Variants in SERGEF observed in about 807,000 individuals in gnomAD.
SERGEF encodes the protein secretion regulating guanine nucleotide exchange factor.
SERGEF carries 51 observed loss-of-function variants against 50.0 expected under a neutral mutation model. The ratio of observed to expected loss-of-function variants is 1.02; its 90% CI spans 0.81 to 1.29. The LOEUF is 1.29. Ranked by LOEUF, SERGEF falls within the 50% of genes most tolerant of loss-of-function variation. The probability of loss-of-function intolerance (pLI) is 0.00; values close to 1 mark genes in which losing one functional copy is unlikely to be tolerated. For synonymous variants in SERGEF, 205 were observed against 212.4 expected, an observed-to-expected ratio of 0.97 and a Z score of 0.30; for missense variants, 521 against 557.0, an observed-to-expected ratio of 0.94 and a Z score of 0.65.
intron 10 of SERGEF, among the ~76,000 whole-genome samples, chr11:17,842,038 C>CAT (rs1850512236): frequency 6.6e-6 from 1 of 152,080 alleles, no homozygotes; most frequent in African/African-American, 2.4e-5. Flanking sequence ...TCTTTCGTAG[C>CAT]ATTTATCCTA....
intron 10 of SERGEF, among the ~76,000 whole-genome samples, chr11:17,822,628 G>A (rs573589585): frequency 7.6e-4 from 115 of 152,256 alleles, no homozygotes; most frequent in African/African-American, 2.7e-3. Context: ...GAACAATAAC[G>A]TGTGAAGCAC....
chr11:18,010,126 G>T, intron 1 of SERGEF: 1 of 1,255,674 alleles, frequency 8.0e-7, no homozygotes, highest in Non-Finnish European at 1.0e-6. Flanking sequence ...AAATATGTTT[G>T]TTTTTGAAGA....
chr11:17,942,033 G>A (rs1417994265), intron 9 of SERGEF, among the ~76,000 whole-genome samples: 1 of 152,124 alleles, frequency 6.6e-6, no homozygotes, highest in African/African-American at 2.4e-5. Flanking sequence ...TTTGAAGTCG[G>A]GTTAGGTGGA....
chr11:17,869,759 G>A (rs576464296), intron 10 of SERGEF, among the ~76,000 whole-genome samples: 2 of 152,234 alleles, frequency 1.3e-5, no homozygotes, highest in Admixed American at 6.5e-5. Flanking sequence ...CTATAGCAAG[G>A]CAAAGGATAT....
chr11:17,828,548 G>A (rs1276027595), intron 10 of SERGEF, among the ~76,000 whole-genome samples: 1 of 152,200 alleles, frequency 6.6e-6, no homozygotes, highest in African/African-American at 2.4e-5. Context: ...TTGTCATCTT[G>A]ATTCTTCAAG....
intron 8 of SERGEF, among the ~76,000 whole-genome samples, chr11:17,976,162 C>A (rs2133985202): frequency 6.6e-6 from 1 of 152,292 alleles, no homozygotes. Context: ...CCACATTAAG[C>A]TTCCTCCTGA....
intron 6 of SERGEF, among the ~76,000 whole-genome samples, chr11:17,993,235 G>C (rs1438665536): frequency 2.0e-5 from 3 of 152,192 alleles, no homozygotes; most frequent in African/African-American, 7.2e-5. Flanking sequence ...CTATCAAAGA[G>C]GGGAGGAAAG....
At chr11:17,857,227 C>T (rs932938708) in intron 10 of SERGEF, among the ~76,000 whole-genome samples, 13 of 152,186 alleles carry the variant, frequency 8.5e-5, no homozygotes, top group African/African-American at 1.4e-4. Context: ...GTGACCGTTC[C>T]GGACATAGCC....
At chr11:17,978,476 G>C (rs1853426570) in intron 8 of SERGEF, among the ~76,000 whole-genome samples, 1 of 152,176 alleles carries the variant, frequency 6.6e-6, no homozygotes, top group African/African-American at 2.4e-5. Flanking sequence ...GAGGCGAGCA[G>C]AAAAGATGTG....
At chr11:17,834,783 T>C (rs1167639939) in intron 10 of SERGEF, among the ~76,000 whole-genome samples, 2 of 152,236 alleles carry the variant, frequency 1.3e-5, no homozygotes, top group Non-Finnish European at 2.9e-5. Flanking sequence ...CCAAATCACA[T>C]GGATCTCTTT....
chr11:17,891,568 T>C (rs1008859074), intron 9 of SERGEF, among the ~76,000 whole-genome samples: 5 of 152,138 alleles, frequency 3.3e-5, no homozygotes, highest in Non-Finnish European at 5.9e-5. Context: ...AAACAATACA[T>C]GTTAAGCCTG....
chr11:17,790,690 T>C (rs755068569), intron 10 of SERGEF, among the ~76,000 whole-genome samples: 27 of 152,226 alleles, frequency 1.8e-4, no homozygotes, highest in Non-Finnish European at 3.7e-4. Context: ...CATGCATGTA[T>C]ATGTAAGCAT....
intron 10 of SERGEF, among the ~76,000 whole-genome samples, chr11:17,835,995 G>A (rs1850391404): frequency 6.6e-6 from 1 of 152,206 alleles, no homozygotes; most frequent in Non-Finnish European, 1.5e-5. Flanking sequence ...GTATAGCTGA[G>A]AGAATGAAAA....
intron 10 of SERGEF, among the ~76,000 whole-genome samples, chr11:17,870,519 A>C (rs1274917887): frequency 6.6e-6 from 1 of 152,248 alleles, no homozygotes; most frequent in African/African-American, 2.4e-5. Flanking sequence ...CCAGGAAGGA[A>C]TGAAGGCTGC....
At chr11:17,967,950 C>G (rs1447646082) in intron 8 of SERGEF, among the ~76,000 whole-genome samples, 2 of 152,238 alleles carry the variant, frequency 1.3e-5, no homozygotes, top group Non-Finnish European at 2.9e-5. Flanking sequence ...GCTGCTGCCT[C>G]CCTAAAGCAC....
rs568776379 is a variant in SERGEF, at chr11:17,928,615, G to A, written c.1011+30855C>T. Reference sequence around the variant, plus strand: ...ATGTTTTATGAGTGAATGAATGAACGAACCAACCAATGAAAAAAAAACAAT... The same window carrying A: ...ATGTTTTATGAGTGAATGAATGAACAAACCAACCAATGAAAAAAAAACAAT... On this transcript the variant is annotated intron_variant, in intron 9 of 10. Coordinates refer to ENST00000265965, the MANE Select transcript of SERGEF (RefSeq NM_012139.4). Among the ~76,000 whole-genome samples the A allele has an allele frequency of 5.3e-5, 8 of 151,828 alleles. 1 individual carries two copies. The South Asian group carries it at 1.5e-3, about 28-fold the overall frequency.
At position 17,867,326 on chromosome 11, in the gene SERGEF, A is replaced by G. The variant is rs191140793; in HGVS notation, c.1048+10882T>C. ...AAATTGGCCAAAACAAAGGGGCCAC[A>G]GGCCCCATGCAAGTCCAAAATCCAG... On this transcript the variant is annotated intron_variant, in intron 10 of 10. Coordinates refer to ENST00000265965, the MANE Select transcript of SERGEF (RefSeq NM_012139.4). Among the ~76,000 whole-genome samples, 424 of 152,372 alleles carry G rather than the reference A, an allele frequency of 2.8e-3. 2 individuals carry two copies. The highest frequency in any genetic ancestry group is 9.9e-3 in the African/African-American group (411 of 41,594).
At chr11:17,867,810 G>A (rs561841871) in intron 10 of SERGEF, among the ~76,000 whole-genome samples, 4 of 152,152 alleles carry the variant, frequency 2.6e-5, no homozygotes, top group African/African-American at 4.8e-5. Flanking sequence ...TCGCAGGCTC[G>A]ACACCATGTG....
intron 10 of SERGEF, among the ~76,000 whole-genome samples, chr11:17,810,831 A>T (rs1849855831): frequency 6.6e-6 from 1 of 152,012 alleles, no homozygotes; most frequent in Admixed American, 6.6e-5. Context: ...CCACCACCAA[A>T]AACCTCCTTC....
Sources: allele counts gnomAD v4.1 joint callset (sites outside exome capture counted in the v4.1 genomes callset), GRCh38; gene constraint gnomAD v4.1.1; transcripts MANE v1.5; gene names NCBI Gene and HGNC (gene_info 2026-07-23, HGNC 2026-07-21).